ATP7B: variants seen among roughly 807,000 people sequenced by gnomAD.
The protein encoded by ATP7B is copper-transporting ATPase 2.
In ATP7B, 113 loss-of-function variants were observed where a neutral mutation model predicts 118.9. The ratio of observed to expected loss-of-function variants is 0.95; its 90% CI spans 0.82 to 1.11. The LOEUF (loss-of-function observed/expected upper bound fraction) is 1.11, where lower values mean the gene tolerates loss of function less well. Ranked by LOEUF, ATP7B falls within the 50% of genes most tolerant of loss-of-function variation. The pLI is 0.00. For synonymous variants in ATP7B, 777 were observed against 727.4 expected, an observed-to-expected ratio of 1.07 and a Z score of -1.10; for missense variants, 1,867 against 1,871.4, an observed-to-expected ratio of 1.00 and a Z score of 0.04.
At chr13:51,970,927 G>A (rs1198925702) in intron 2 of ATP7B, among the ~76,000 whole-genome samples, 178 bp from the exon 3 acceptor site, 2 of 151,326 alleles carry the variant, frequency 1.3e-5, no homozygotes, top group Non-Finnish European at 2.9e-5. Context: ...AGAGCTCCCT[G>A]CTGTTGTTAA....
intron 12 of ATP7B, 180 bp from the exon 13 acceptor site, chr13:51,946,658 T>C (rs1459310537): frequency 1.4e-6 from 1 of 698,076 alleles, no homozygotes; most frequent in East Asian, 2.7e-5. Flanking sequence ...GCTCTCCACA[T>C]CCCAGCTATC....
intron 7 of ATP7B, 134 bp downstream of exon 7, chr13:51,960,014 G>C: frequency 7.9e-7 from 1 of 1,264,714 alleles, no homozygotes; most frequent in South Asian, 1.3e-5. Context: ...GCAACTGCCT[G>C]GGTGGGGCAG....
intron 17 of ATP7B, among the ~76,000 whole-genome samples, chr13:51,937,934 A>C (rs1350468639): frequency 6.6e-6 from 1 of 152,184 alleles, no homozygotes; most frequent in Non-Finnish European, 1.5e-5. Context: ...TCCACGGCTC[A>C]GTCCTCCAAC....
intron 1 of ATP7B, among the ~76,000 whole-genome samples, chr13:51,992,788 G>A (rs1952978863): frequency 6.6e-6 from 1 of 151,744 alleles, no homozygotes; most frequent in Non-Finnish European, 1.5e-5. Context: ...GACCAGCCTG[G>A]GCAACATGGG....
chr13:51,976,391 T>C (rs893326441), intron 1 of ATP7B, among the ~76,000 whole-genome samples: 2 of 152,258 alleles, frequency 1.3e-5, no homozygotes, highest in Non-Finnish European at 2.9e-5. Context: ...AAATGTTGAT[T>C]TCTATATCCA....
chr13:51,995,259 T>C (rs1188041558), intron 1 of ATP7B: 1 of 977,698 alleles, frequency 1.0e-6, no homozygotes, highest in Non-Finnish European at 1.2e-6. Flanking sequence ...ACCTCCATCT[T>C]TAAAATGGGT....
At chr13:51,950,527 C>A in intron 9 of ATP7B, 128 bp from the exon 10 acceptor site, 9 of 1,361,430 alleles carry the variant, frequency 6.6e-6, no homozygotes, top group Non-Finnish European at 9.3e-6. Flanking sequence ...TTGATCTGTT[C>A]ATTTACAGAT....
At chr13:51,961,644 G>A (rs1223474380) in intron 6 of ATP7B, among the ~76,000 whole-genome samples, 193 bp downstream of exon 6, 1 of 152,222 alleles carries the variant, frequency 6.6e-6, no homozygotes, top group Non-Finnish European at 1.5e-5. Flanking sequence ...GGGCAGTGCA[G>A]ATACAGAACA....
At chr13:52,011,012 C>A (rs899859963) in intron 1 of ATP7B, among the ~76,000 whole-genome samples, 3 of 152,240 alleles carry the variant, frequency 2.0e-5, no homozygotes, top group Non-Finnish European at 2.9e-5. Context: ...TCTAGCACAG[C>A]AACTCGACGC....
intron 1 of ATP7B, among the ~76,000 whole-genome samples, chr13:51,996,408 G>A (rs918641767): frequency 6.6e-6 from 1 of 152,120 alleles, no homozygotes; most frequent in Non-Finnish European, 1.5e-5. Flanking sequence ...CACCACTCGG[G>A]GACCAGAAGG....
chr13:51,975,808 T>C (rs1203981399), intron 1 of ATP7B, among the ~76,000 whole-genome samples: 1 of 152,218 alleles, frequency 6.6e-6, no homozygotes, highest in Non-Finnish European at 1.5e-5. Flanking sequence ...TTTGGAGGTA[T>C]GCTCCCTGGG....
At chr13:51,945,146 A>G (rs997275131) in intron 13 of ATP7B, among the ~76,000 whole-genome samples, 3 of 152,080 alleles carry the variant, frequency 2.0e-5, no homozygotes, top group Admixed American at 6.6e-5. Flanking sequence ...GCGCAACCTT[A>G]ACACTGCAGC....
At chr13:52,007,985 C>T (rs1388768725) in intron 1 of ATP7B, among the ~76,000 whole-genome samples, 2 of 152,076 alleles carry the variant, frequency 1.3e-5, no homozygotes, top group Admixed American at 6.6e-5. Flanking sequence ...TAACAGGAAG[C>T]TCTCCAAAAC....
rs571802249 is a variant in ATP7B at position 51,943,673 on chromosome 13, C to T, written c.3243+436G>A. 6.6e-5 allele frequency among the ~76,000 whole-genome samples: 10 copies of T among 152,288 alleles called. No homozygotes were observed. The South Asian group carries it at 2.1e-3, about 32-fold the overall frequency. On this transcript the variant is annotated intron_variant, in intron 14 of 20. Coordinates refer to ENST00000242839, the MANE Select transcript of ATP7B (RefSeq NM_000053.4). Reference sequence around the variant, plus strand: ...GGAACCTGCTGGGCACTCTGGCTCACCTCTGCTGGTTCCTCTCTGTCCCAG... The same window carrying T: ...GGAACCTGCTGGGCACTCTGGCTCATCTCTGCTGGTTCCTCTCTGTCCCAG...
intron 16 of ATP7B, 29 bp from the exon 17 acceptor site, chr13:51,939,222 T>C: frequency 6.2e-7 from 1 of 1,610,938 alleles, no homozygotes; most frequent in South Asian, 1.1e-5. Context: ...CATCAGCAGC[T>C]ACACAAGTTG....
chr13:51,999,540 A>C (rs1449382344), intron 1 of ATP7B, among the ~76,000 whole-genome samples: 2 of 152,238 alleles, frequency 1.3e-5, no homozygotes, highest in African/African-American at 4.8e-5. Flanking sequence ...GGATGGCCAA[A>C]AAGAGAAACA....
At chr13:51,961,689 T>C in intron 6 of ATP7B, 148 bp downstream of exon 6, 1 of 784,456 alleles carries the variant, frequency 1.3e-6, no homozygotes, top group Non-Finnish European at 2.2e-6. Flanking sequence ...TGGACAGCAC[T>C]GTTTCAGAGG....
chr13:51,957,926 G>A (rs1004134186), intron 8 of ATP7B: 12 of 460,846 alleles, frequency 2.6e-5, no homozygotes, highest in African/African-American at 2.4e-4. Context: ...CCATTCTCTT[G>A]TAAGATACAT....
chr13:51,950,537 T>TCA, intron 9 of ATP7B, 138 bp from the exon 10 acceptor site: 1 of 1,337,852 alleles, frequency 7.5e-7, no homozygotes, highest in Non-Finnish European at 1.0e-6. Context: ...CATTTACAGA[T>TCA]ATTTATCGTG....
Sources: allele counts gnomAD v4.1 joint callset (sites outside exome capture counted in the v4.1 genomes callset), GRCh38; gene constraint gnomAD v4.1.1; transcripts MANE v1.5; gene names NCBI Gene and HGNC (gene_info 2026-07-23, HGNC 2026-07-21).